DOP1B: variants seen among roughly 807,000 people sequenced by gnomAD.
DOP1B encodes DOP1 leucine zipper like protein B.
A neutral mutation model predicts 233.5 loss-of-function variants in DOP1B; 174 were observed. The ratio of observed to expected loss-of-function variants is 0.75; its 90% confidence interval spans 0.66 to 0.85. The LOEUF is 0.85. DOP1B is among the 40% of genes least tolerant of loss of function. The pLI is 0.00. For synonymous variants in DOP1B, 1,190 were observed against 1,185.6 expected, an observed-to-expected ratio of 1.00 and a Z score of -0.08; for missense variants, 2,652 against 2,846.6, an observed-to-expected ratio of 0.93 and a Z score of 1.56.
intron 26 of DOP1B, among the ~76,000 whole-genome samples, chr21:36,267,366 T>G (rs2067241618): frequency 6.6e-6 from 1 of 152,218 alleles, no homozygotes; most frequent in South Asian, 2.1e-4. Context: ...GAATACAATT[T>G]ATGGTTTTTT....
intron 5 of DOP1B, among the ~76,000 whole-genome samples, chr21:36,209,703 C>T (rs1569022709): frequency 6.6e-6 from 1 of 152,322 alleles, no homozygotes. Flanking sequence ...GGGAAGCTCT[C>T]TTCCCTGGTA....
At chr21:36,180,546 G>A (rs753751931) in intron 2 of DOP1B, among the ~76,000 whole-genome samples, 6 of 150,564 alleles carry the variant, frequency 4.0e-5, no homozygotes, top group East Asian at 3.9e-4. Flanking sequence ...AATAGACGGC[G>A]CTCCAGCCTG....
chr21:36,190,453 A>G (rs989466073), intron 2 of DOP1B, among the ~76,000 whole-genome samples: 1 of 150,668 alleles, frequency 6.6e-6, no homozygotes, highest in Non-Finnish European at 1.5e-5. Context: ...GCTGGAGTGC[A>G]GTGGCGCAAT....
chr21:36,157,260 G>A (rs1051423011), intron 1 of DOP1B, among the ~76,000 whole-genome samples: 3 of 152,156 alleles, frequency 2.0e-5, no homozygotes, highest in Admixed American at 2.0e-4. Context: ...CGCCGAGCGG[G>A]GCGGCAGGTG....
At chr21:36,214,726 A>T (rs1423877198) in intron 9 of DOP1B, among the ~76,000 whole-genome samples, 170 bp downstream of exon 9, 2 of 152,186 alleles carry the variant, frequency 1.3e-5, no homozygotes, top group Non-Finnish European at 2.9e-5. Flanking sequence ...ATCTGTGGTC[A>T]CTTACAAGTT....
intron 3 of DOP1B, 126 bp from the exon 4 acceptor site, chr21:36,200,205 C>T (rs2066344705): frequency 5.6e-6 from 7 of 1,249,730 alleles, no homozygotes; most frequent in African/African-American, 4.5e-5. Flanking sequence ...CATACCCACA[C>T]ATCGAAACCA....
rs60892353 is a variant in DOP1B at position 36,242,151 on chromosome 21, C to CATTATTGTTGTTATTATTATT, written c.3067+2202_3067+2203insGTTGTTATTATTATTATTATT. ...AGCTCTATCTCCACAGTTCCTTGGG[C>CATTATTGTTGTTATTATTATT]ATTATTATTATTATTATTATTATTA... is the stretch of plus-strand genomic sequence containing the variant. On this transcript the variant is annotated intron_variant, in intron 18 of 36. Transcript: ENST00000691173. Among the ~76,000 whole-genome samples, 321 of 143,982 alleles carry CATTATTGTTGTTATTATTATT rather than the reference C, an allele frequency of 2.2e-3. 4 individuals carry two copies. Among genetic ancestry groups the CATTATTGTTGTTATTATTATT allele is most frequent in the East Asian group, 0.018 (88 of 4,808 alleles). 94.5% of individuals were successfully genotyped at this position (143,982 alleles called of 152,430 possible).
intron 2 of DOP1B, among the ~76,000 whole-genome samples, chr21:36,176,097 C>CATGTGTGTGTGTGTGTGTGCGTGT (rs1555886144): frequency 7.1e-6 from 1 of 141,744 alleles, no homozygotes; most frequent in Non-Finnish European, 1.6e-5. Flanking sequence ...GGTGTGTGTG[C>CATGTGTGTGTGTGTGTGTGCGTGT]GTGTGTGTGT....
chr21:36,291,559 A>G (rs926882758), intron 35 of DOP1B, among the ~76,000 whole-genome samples: 1 of 152,176 alleles, frequency 6.6e-6, no homozygotes, highest in African/African-American at 2.4e-5. Flanking sequence ...GACTGTCTCA[A>G]AAAAACAAAA....
chr21:36,211,636 ATT>A lies in DOP1B; in HGVS notation c.768_769del (p.Phe256LeufsTer8). 1.2e-6 allele frequency: 2 copies of A among 1,613,948 alleles called. No homozygotes were observed. Among genetic ancestry groups the A allele is most frequent in the Non-Finnish European group, 1.7e-6 (2 of 1,179,972 alleles). ...NLEIVLFFFP[F>X]YTCLDSNERA... ...TGGAAATCGTTCTGTTTTTCTTCCC[ATT>A]TTATACCTGTCTGGTAAGTAATTTG... On this transcript the variant is annotated frameshift_variant, in exon 6 of 37. Coordinates refer to ENST00000691173, the MANE Select transcript of DOP1B (RefSeq NM_001320714.2). LOFTEE classifies it high-confidence loss of function.
At chr21:36,204,834 T>C (rs1467162261) in intron 4 of DOP1B, among the ~76,000 whole-genome samples, 1 of 151,938 alleles carries the variant, frequency 6.6e-6, no homozygotes, top group African/African-American at 2.4e-5. Context: ...TTTGTATTTT[T>C]AGTAGAGACG....
chr21:36,278,175 A>C (rs778249739), intron 29 of DOP1B, 34 bp from the exon 30 acceptor site: 9 of 1,613,638 alleles, frequency 5.6e-6, no homozygotes, highest in Non-Finnish European at 7.6e-6. Flanking sequence ...ACAGTCCTTG[A>C]CCTTGACCCT....
intron 13 of DOP1B, among the ~76,000 whole-genome samples, chr21:36,229,661 CTT>C (rs373779563): frequency 1.3e-4 from 16 of 127,640 alleles, no homozygotes; most frequent in Admixed American, 1.6e-4. Context: ...CTTGCTTTAC[CTT>C]TTTTTTTTTT....
intron 27 of DOP1B, among the ~76,000 whole-genome samples, chr21:36,270,430 G>T (rs2067274627): frequency 6.6e-6 from 1 of 151,424 alleles, no homozygotes; most frequent in African/African-American, 2.4e-5. Flanking sequence ...GTAAGCACCT[G>T]TGGTCCCAGC....
intron 2 of DOP1B, chr21:36,169,058 C>T: frequency 1.1e-6 from 1 of 876,812 alleles, no homozygotes; most frequent in Non-Finnish European, 1.9e-6. Flanking sequence ...GCGGCCATAG[C>T]CAAACTTGGA....
chr21:36,207,954 T>C (rs1011741654), intron 4 of DOP1B, among the ~76,000 whole-genome samples: 2 of 152,134 alleles, frequency 1.3e-5, no homozygotes, highest in African/African-American at 4.8e-5. Context: ...TTGGTCAGCG[T>C]CAGGGGAAAA....
intron 24 of DOP1B, chr21:36,261,517 G>T: frequency 2.0e-6 from 2 of 985,452 alleles, no homozygotes; most frequent in Admixed American, 6.2e-5. Context: ...AGGGGATTCC[G>T]CAGGTTTTTC....
Position 36,232,987 on chromosome 21 carries a change from C to CT in DOP1B, c.2541dup (p.Gly848TrpfsTer77), listed in dbSNP as rs750520568. ...CGCTATAAGAGCTCTGGACACAACC[C>CT]TTTTTTTGGCAAGCTGCAGATGGTG... On this transcript the variant is annotated frameshift_variant, in exon 15 of 37. Transcript: ENST00000691173. LOFTEE classifies it high-confidence loss of function. 2 of 1,614,014 alleles carry CT rather than the reference C, an allele frequency of 1.2e-6. No homozygotes were observed. Among genetic ancestry groups the CT allele is most frequent in the African/African-American group, 1.3e-5 (1 of 74,994 alleles).
chr21:36,187,390 G>C (rs554360155), intron 2 of DOP1B, among the ~76,000 whole-genome samples: 4 of 151,914 alleles, frequency 2.6e-5, no homozygotes, highest in African/African-American at 9.7e-5. Context: ...CGCCTCCCAG[G>C]TTCAAGTGAT....
Sources: allele counts gnomAD v4.1 joint callset (sites outside exome capture counted in the v4.1 genomes callset), GRCh38; gene constraint gnomAD v4.1.1; transcripts MANE v1.5; gene names NCBI Gene and HGNC (gene_info 2026-07-23, HGNC 2026-07-21).